Variants in CDH7 observed in about 807,000 individuals in gnomAD.
CDH7 encodes the protein cadherin-7.
A neutral mutation model predicts 71.8 loss-of-function variants in CDH7; 25 were observed. The ratio of observed to expected loss-of-function variants is 0.35; its 90% CI spans 0.25 to 0.49. The LOEUF (loss-of-function observed/expected upper bound fraction) is 0.49, where lower values mean the gene tolerates loss of function less well. Among genes scored for constraint, CDH7 ranks in the 20% least tolerant of loss-of-function variants. The pLI, the probability that CDH7 is intolerant of heterozygous loss-of-function variation, is 0.99. For missense variants in CDH7, 862 were observed against 974.6 expected, an observed-to-expected ratio of 0.88 and a Z score of 1.54; for synonymous variants, 381 against 363.8, an observed-to-expected ratio of 1.05 and a Z score of -0.54.
chr18:65,785,541 C>T (rs1362398369), intron 2 of CDH7, among the ~76,000 whole-genome samples: 1 of 151,694 alleles, frequency 6.6e-6, no homozygotes, highest in African/African-American at 2.4e-5. Context: ...TCTAAGACAG[C>T]TCTGCCCAAT....
At chr18:65,869,425 T>G (rs940653910) in intron 11 of CDH7, among the ~76,000 whole-genome samples, 1 of 152,136 alleles carries the variant, frequency 6.6e-6, no homozygotes, top group African/African-American at 2.4e-5. Context: ...CAGTTTGACT[T>G]TATTTTTCTC....
intron 6 of CDH7, among the ~76,000 whole-genome samples, chr18:65,833,332 A>G (rs1392135235): frequency 6.6e-6 from 1 of 152,204 alleles, no homozygotes; most frequent in African/African-American, 2.4e-5. Flanking sequence ...TATTTCATTT[A>G]GTATTTCATA....
chr18:65,857,736 C>T, intron 7 of CDH7, 80 bp from the exon 8 acceptor site: 2 of 1,384,242 alleles, frequency 1.4e-6, no homozygotes, highest in South Asian at 1.3e-5. Flanking sequence ...TAATGAGCTA[C>T]ACAAATAATG....
At chr18:65,781,284 A>G (rs1304959661) in intron 2 of CDH7, among the ~76,000 whole-genome samples, 3 of 152,164 alleles carry the variant, frequency 2.0e-5, no homozygotes, top group Admixed American at 6.6e-5. Context: ...TTCTTTGTAT[A>G]TATTTCAAAT....
intron 3 of CDH7, among the ~76,000 whole-genome samples, chr18:65,813,543 T>C (rs1213228451): frequency 6.6e-6 from 1 of 152,046 alleles, no homozygotes; most frequent in African/African-American, 2.4e-5. Context: ...TCTAAAAATA[T>C]GTTAGCTTTA....
In CDH7 at chr18:65,859,095, A is replaced by G. The variant is rs781396727; in HGVS notation, c.1494+49A>G. 5.3e-5 allele frequency: 84 copies of G among 1,581,406 alleles called. 2 individuals carry two copies. The South Asian group carries it at 8.0e-4, about 15-fold the overall frequency. The stretch of plus-strand genomic sequence containing the variant: ...CTTCTAATTTGTGGTTTCTTAAAAA[A>G]TATCCAGCAGCAGTTGCCTTTGAAA... On this transcript the variant is annotated intron_variant, in intron 9 of 11. Transcript: ENST00000397968.
At chr18:65,875,135 A>C (rs1036501774) in intron 11 of CDH7, among the ~76,000 whole-genome samples, 4 of 152,176 alleles carry the variant, frequency 2.6e-5, no homozygotes, top group African/African-American at 7.2e-5. Context: ...GCCCAAGACA[A>C]TTCTTCCAGT....
intron 2 of CDH7, chr18:65,802,991 T>C (rs567076242): frequency 1.1e-4 from 16 of 152,334 alleles, no homozygotes; most frequent in African/African-American, 3.8e-4. Flanking sequence ...CAGATAATTA[T>C]ATTACACCAC....
At chr18:65,859,623 A>G in intron 9 of CDH7, 85 bp from the exon 10 acceptor site, 1 of 773,288 alleles carries the variant, frequency 1.3e-6, no homozygotes, top group Non-Finnish European at 2.3e-6. Context: ...TATTTATTAT[A>G]AAGTGTAAAA....
chr18:65,822,153 A>G lies in CDH7; in HGVS notation c.698A>G (p.Lys233Arg), dbSNP rs759876480. ...CAGTATTTGCTTGTCATTCAGGCAAAGGATATGGTTGGTCAAAATGGAGGA... is the reference window on the plus strand; with the variant it reads ...CAGTATTTGCTTGTCATTCAGGCAAGGGATATGGTTGGTCAAAATGGAGGA... ...KDQYLLVIQA[K>R]DMVGQNGGLS... The change falls in exon 5 of 12, where the codon AAG becomes AGG. Residue 233 changes from lysine to arginine, a missense_variant. Physicochemically the swap from Lys to Arg is conservative, Grantham distance 26. Coordinates refer to ENST00000397968, the MANE Select transcript of CDH7 (RefSeq NM_004361.5). 3 of 1,612,858 alleles carry G rather than the reference A, an allele frequency of 1.9e-6. No homozygotes were observed. Among genetic ancestry groups the G allele is most frequent in the Middle Eastern group, 1.7e-4 (1 of 6,056 alleles).
rs111400058 is a variant in CDH7, at chr18:65,798,536, C to G, written c.211-11168C>G. On this transcript the variant is annotated intron_variant, in intron 2 of 11. Coordinates refer to ENST00000397968, the MANE Select transcript of CDH7 (RefSeq NM_004361.5). ...AACAGACCTGGACCAGGGATTTACC[C>G]ATAGGGAATTTATTGGTGTGCATTC... Among the ~76,000 whole-genome samples the G allele has an allele frequency of 7.2e-3, 1,103 of 152,268 alleles. 15 individuals carry two copies. Among genetic ancestry groups the G allele is most frequent in the African/African-American group, 0.024 (997 of 41,548 alleles).
At chr18:65,791,716 A>G (rs373005891) in intron 2 of CDH7, among the ~76,000 whole-genome samples, 1 of 152,240 alleles carries the variant, frequency 6.6e-6, no homozygotes, top group South Asian at 2.1e-4. Flanking sequence ...TAGAATTCTT[A>G]GGAGTCTTGT....
rs1914297649 is a variant in CDH7 at position 65,883,788 on chromosome 18, A to G, written c.*2894A>G. 1 of 152,180 alleles carries G rather than the reference A, an allele frequency of 6.6e-6. No homozygotes were observed. Among genetic ancestry groups the G allele is most frequent in the South Asian group, 2.1e-4 (1 of 4,832 alleles). The allele number at this position is 152,180 out of a possible 1,614,324, so 9.4% of individuals were successfully genotyped here. A position where few individuals can be genotyped will look rare whatever the true frequency, so the allele number is the denominator to read the frequency against. On this transcript the variant is annotated 3_prime_UTR_variant, in exon 12 of 12. Coordinates refer to ENST00000397968, the MANE Select transcript of CDH7 (RefSeq NM_004361.5). ...ATAATTGTAAATATAGTATGAATTT[A>G]TATGATTTAAAATAATGACATGAAA...
chr18:65,824,837 G>A lies in CDH7; in HGVS notation c.981+6G>A. On this transcript the variant is annotated splice_donor_region_variant and intron_variant, in intron 6 of 11. Transcript: ENST00000397968. ...GAATCATTACTATACAGAAGGTAAT[G>A]TTTTCTTTATTTATCTTTTATCACA... The A allele has an allele frequency of 1.9e-6, 3 of 1,569,176 alleles. No homozygotes were observed. The South Asian group carries it at 3.5e-5, about 18-fold the overall frequency.
intron 2 of CDH7, among the ~76,000 whole-genome samples, chr18:65,767,249 C>G (rs911722774): frequency 6.6e-6 from 1 of 152,050 alleles, no homozygotes; most frequent in Non-Finnish European, 1.5e-5. Flanking sequence ...TGAGCATTTT[C>G]AATGCATTTA....
chr18:65,883,471 TAA>T lies in CDH7; in HGVS notation c.*2578_*2579del, dbSNP rs1268022557. 1 of 152,006 alleles carries T rather than the reference TAA, an allele frequency of 6.6e-6. No homozygotes were observed. Among genetic ancestry groups the T allele is most frequent in the Non-Finnish European group, 1.5e-5 (1 of 67,926 alleles). The allele number at this position is 152,006 out of a possible 1,614,324, so 9.4% of individuals were successfully genotyped here. ...AAGAGCTGATTGATAAAATTAATAT[TAA>T]GTCTAGTTGGAAAATTCTCCAAATA... On this transcript the variant is annotated 3_prime_UTR_variant, in exon 12 of 12. Coordinates refer to ENST00000397968, the MANE Select transcript of CDH7 (RefSeq NM_004361.5).
intron 5 of CDH7, among the ~76,000 whole-genome samples, chr18:65,823,108 A>G (rs1911996699): frequency 6.6e-6 from 1 of 151,866 alleles, no homozygotes; most frequent in Non-Finnish European, 1.5e-5. Flanking sequence ...ATATCAAAAA[A>G]CGAACCTTTC....
intron 2 of CDH7, among the ~76,000 whole-genome samples, chr18:65,789,581 TG>T (rs1910638258): frequency 6.6e-6 from 1 of 152,068 alleles, no homozygotes; most frequent in South Asian, 2.1e-4. Context: ...TTTGGGATGG[TG>T]GGTAAGACAG....
chr18:65,813,730 G>GA (rs1440505323), intron 3 of CDH7, among the ~76,000 whole-genome samples: 1 of 151,614 alleles, frequency 6.6e-6, no homozygotes, highest in South Asian at 2.1e-4. Context: ...ATTCCAAATG[G>GA]AAAAAAAGGA....
Sources: allele counts gnomAD v4.1 joint callset (sites outside exome capture counted in the v4.1 genomes callset), GRCh38; gene constraint gnomAD v4.1.1; transcripts MANE v1.5; gene names NCBI Gene and HGNC (gene_info 2026-07-23, HGNC 2026-07-21).